Variants in ADGRL1 observed in about 807,000 individuals in gnomAD.
The protein encoded by ADGRL1 is CIRL-1.
ADGRL1 carries 31 observed loss-of-function variants against 148.9 expected under a neutral mutation model. The ratio of observed to expected loss-of-function variants is 0.21; its 90% CI spans 0.16 to 0.28. The LOEUF (loss-of-function observed/expected upper bound fraction) is 0.28, where lower values mean the gene tolerates loss of function less well. ADGRL1 is among the 10% of genes least tolerant of loss of function. The pLI is 1.00. For missense variants in ADGRL1, 1,521 were observed against 2,058.8 expected (o/e 0.74, Z 5.05); for synonymous variants, 937 against 900.3 (o/e 1.04, Z -0.73).
chr19:14,204,713 T>TGAGAGAGAGAGA lies in ADGRL1; in HGVS notation c.-96+1260_-96+1271dup, dbSNP rs74181774. 5.8e-3 allele frequency among the ~76,000 whole-genome samples: 823 copies of TGAGAGAGAGAGA among 142,960 alleles called. 14 individuals are homozygous for TGAGAGAGAGAGA. The highest frequency in any genetic ancestry group is 0.02 in the African/African-American group (760 of 38,322). The allele number at this position is 142,960 out of a possible 152,430, so 93.8% of individuals were successfully genotyped here. ...GAGAGATAGAGAAAGACAGAGAGAG[T>TGAGAGAGAGAGA]GAGAGAGAGAGAGAGAGAGAGAGAG... On this transcript the variant is annotated intron_variant, in intron 1 of 22. Transcript: ENST00000361434.
At chr19:14,179,296 C>A (rs1053202995) in intron 2 of ADGRL1, among the ~76,000 whole-genome samples, 3 of 151,860 alleles carry the variant, frequency 2.0e-5, no homozygotes, top group South Asian at 2.1e-4. Flanking sequence ...TGATTGAGAC[C>A]ATCCTGGCTA....
In ADGRL1 at chr19:14,157,223, C is replaced by G; in HGVS notation, c.2745+28G>C. 1 of 1,613,696 alleles carries G rather than the reference C, an allele frequency of 6.2e-7. No individual in the cohort carries two copies. The highest frequency in any genetic ancestry group is 8.5e-7 in the Non-Finnish European group (1 of 1,179,760). On this transcript the variant is annotated intron_variant, in intron 14 of 22. Coordinates refer to ENST00000361434, the MANE Select transcript of ADGRL1 (RefSeq NM_014921.5). The surrounding 1 kb of genome is among the most constrained non-coding windows in gnomAD (Gnocchi z 7.5). Reference sequence around the variant, plus strand: ...CTTCTCCCGGCCCCCAGGCGCTGGCCGTCACCTGCCCTAGAGTCCCAGCCC... The same window carrying G: ...CTTCTCCCGGCCCCCAGGCGCTGGCGGTCACCTGCCCTAGAGTCCCAGCCC...
Position 14,161,485 on chromosome 19 carries a change from C to T in ADGRL1, c.1337G>A (p.Gly446Glu), listed in dbSNP as rs371496939. 2.1e-6 allele frequency: 3 copies of T among 1,442,116 alleles called. No individual in the cohort carries two copies. Among genetic ancestry groups the T allele is most frequent in the Non-Finnish European group, 2.7e-6 (3 of 1,095,966 alleles). The allele number at this position is 1,442,116 out of a possible 1,614,324, so 89.3% of individuals were successfully genotyped here. ...THPVGAINQL[G>E]PDLPPATAPV... ...GGCTGTGGCTGGAGGCAGATCAGGTCCCAGCTGGTTGATGGCACCCACTGG... is the reference window on the plus strand; with the variant it reads ...GGCTGTGGCTGGAGGCAGATCAGGTTCCAGCTGGTTGATGGCACCCACTGG... Residue 446 changes from glycine to glutamate, a missense_variant, in exon 6 of 23, where the codon GGA (glycine) becomes GAA (glutamate). Around this residue, in one of 8 missense-constraint regions of ADGRL1, gnomAD observed 270 missense variants for 320.4 expected, o/e 0.84. Transcript: ENST00000361434. This position sits in a 1 kb window ranked among gnomAD's most constrained non-coding sequence, Gnocchi z 4.4.
intron 3 of ADGRL1, among the ~76,000 whole-genome samples, chr19:14,171,680 C>T (rs1970482660): frequency 1.3e-5 from 2 of 152,320 alleles, no homozygotes; most frequent in South Asian, 4.1e-4. Flanking sequence ...ACCCTTTGGG[C>T]AGTGCTGCTG....
chr19:14,205,631 C>A (rs1439076589), intron 1 of ADGRL1, among the ~76,000 whole-genome samples: 2 of 151,568 alleles, frequency 1.3e-5, no homozygotes, highest in African/African-American at 2.4e-5. Context: ...CACCGCCGCG[C>A]CGCTTCCCCA....
chr19:14,170,201 G>GA, intron 4 of ADGRL1: 1 of 155,648 alleles, frequency 6.4e-6, no homozygotes, highest in Admixed American at 6.4e-5. Flanking sequence ...ACGGTGTTGA[G>GA]AGGGGCAGTG....
At chr19:14,189,391 G>A (rs1243546787) in intron 1 of ADGRL1, among the ~76,000 whole-genome samples, 1 of 151,968 alleles carries the variant, frequency 6.6e-6, no homozygotes, top group East Asian at 1.9e-4. Context: ...ATGAACTCCT[G>A]GCTAACTTTT....
chr19:14,183,426 G>A (rs1971358271), intron 2 of ADGRL1, 107 bp downstream of exon 2: 2 of 1,046,086 alleles, frequency 1.9e-6, no homozygotes, highest in Non-Finnish European at 2.8e-6. Flanking sequence ...GCGGGGCAGG[G>A]GGCTGTAATT....
At position 14,149,976 on chromosome 19, in the gene ADGRL1, C is replaced by T. The variant is rs1233321755; in HGVS notation, c.*897G>A. ...CTTTTCCATTTCGTTGAAATATTTA[C>T]AGCAATGGGGAAGGAGGAGGAGAGA... On this transcript the variant is annotated 3_prime_UTR_variant, in exon 23 of 23. Coordinates refer to ENST00000361434, the MANE Select transcript of ADGRL1 (RefSeq NM_014921.5). 6 of 132,002 alleles carry T rather than the reference C, an allele frequency of 4.5e-5. No homozygotes were observed. Among genetic ancestry groups the T allele is most frequent in the South Asian group, 5.0e-4 (2 of 4,012 alleles). The allele number at this position is 132,002 out of a possible 1,614,324, so 8.2% of individuals were successfully genotyped here. A position where few individuals can be genotyped will look rare whatever the true frequency, so the allele number is the denominator to read the frequency against.
chr19:14,174,837 GT>G (rs34608406), intron 3 of ADGRL1, among the ~76,000 whole-genome samples: 2,607 of 110,554 alleles, frequency 0.024, 78 homozygotes, highest in African/African-American at 0.082. Flanking sequence ...CACCTGGTCT[GT>G]TTTTTTTTTT....
At position 14,175,015 on chromosome 19, in the gene ADGRL1, T is replaced by C. The variant is rs192696095; in HGVS notation, c.284+2516A>G. Among the ~76,000 whole-genome samples, 262 of 151,606 alleles carry C rather than the reference T, an allele frequency of 1.7e-3. 1 individual carries two copies. Among genetic ancestry groups the C allele is most frequent in the African/African-American group, 6.1e-3 (250 of 41,288 alleles). ...CACCATGACTGGCTAATTTATTTTT[T>C]AGTTTCTAGTAGAGACAGGGTCTTG... On this transcript the variant is annotated intron_variant, in intron 3 of 22. Transcript: ENST00000361434.
In ADGRL1 at chr19:14,157,657, T is replaced by C. The variant is rs1293766957; in HGVS notation, c.2536-197A>G. Among the ~76,000 whole-genome samples the C allele has an allele frequency of 2.0e-5, 3 of 152,224 alleles. No homozygotes were observed. Among genetic ancestry groups the C allele is most frequent in the Admixed American group, 6.5e-5 (1 of 15,290 alleles). ...ATGCTCTGGAAGGCTTGTGGAGAGA[T>C]GACCAACGTAACACCAACTTGCTTC... On this transcript the variant is annotated intron_variant, in intron 13 of 22. Coordinates refer to ENST00000361434, the MANE Select transcript of ADGRL1 (RefSeq NM_014921.5). This position sits in a 1 kb window ranked among gnomAD's most constrained non-coding sequence, Gnocchi z 7.5.
intron 3 of ADGRL1, among the ~76,000 whole-genome samples, chr19:14,173,943 CA>C (rs774211423): frequency 0.013 from 439 of 32,964 alleles, 1 homozygote; most frequent in African/African-American, 0.032. Context: ...GACTCCGTCT[CA>C]AAAAAAAAAA....
Position 14,161,719 on chromosome 19 carries a change from C to T in ADGRL1, c.1196-93G>A, listed in dbSNP as rs1969404965. 4.4e-6 allele frequency: 4 copies of T among 909,382 alleles called. No individual in the cohort carries two copies. The highest frequency in any genetic ancestry group is 3.8e-5 in the Admixed American group (1 of 26,322). 56.3% of individuals were successfully genotyped at this position (909,382 alleles called of 1,614,324 possible). A position where few individuals can be genotyped will look rare whatever the true frequency, so the allele number is the denominator to read the frequency against. On this transcript the variant is annotated intron_variant, in intron 5 of 22. Transcript: ENST00000361434. This position sits in a 1 kb window ranked among gnomAD's most constrained non-coding sequence, Gnocchi z 4.4. ...GGGTCCCAGGCCATCTTAGCATCTT[C>T]CTCATCTACTGAAGTGGAAACACGT... is the stretch of plus-strand genomic sequence containing the variant.
intron 1 of ADGRL1, among the ~76,000 whole-genome samples, chr19:14,204,049 G>A (rs765065207): frequency 1.2e-4 from 18 of 152,138 alleles, no homozygotes; most frequent in Non-Finnish European, 2.5e-4. Context: ...GCACGGGTGC[G>A]ATCGCTGCCA....
chr19:14,151,725 T>C, intron 22 of ADGRL1, 110 bp from the exon 23 acceptor site: 1 of 1,071,372 alleles, frequency 9.3e-7, no homozygotes, highest in Admixed American at 2.4e-5. Flanking sequence ...CTGCTGGTTT[T>C]CCGTAGGCTT....
At chr19:14,192,501 A>G (rs2145114292) in intron 1 of ADGRL1, among the ~76,000 whole-genome samples, 1 of 151,404 alleles carries the variant, frequency 6.6e-6, no homozygotes, top group Non-Finnish European at 1.5e-5. Context: ...TTGGTCTCCC[A>G]AAGTGTTGGG....
At chr19:14,167,713 G>T (rs943226324) in intron 4 of ADGRL1, among the ~76,000 whole-genome samples, 17 of 151,864 alleles carry the variant, frequency 1.1e-4, no homozygotes, top group Non-Finnish European at 2.1e-4. Context: ...CAGACGGGCA[G>T]TTGCACCCGG....
rs571476924 is a variant in ADGRL1, at chr19:14,163,540, A to C, written c.395-134T>G. On this transcript the variant is annotated intron_variant, in intron 4 of 22. Coordinates refer to ENST00000361434, the MANE Select transcript of ADGRL1 (RefSeq NM_014921.5). ...TTGGTCACGCTGCTGGTGGGGAGCC[A>C]GGTTGTCCCCTCCTGCTGCTGCAGT... 4,003 of 692,736 alleles carry C rather than the reference A, an allele frequency of 5.8e-3. 26 individuals carry two copies. Among genetic ancestry groups the C allele is most frequent in the Non-Finnish European group, 7.7e-3 (3,256 of 422,360 alleles). The allele number at this position is 692,736 out of a possible 1,614,324, so 42.9% of individuals were successfully genotyped here.
Sources: allele counts gnomAD v4.1 joint callset (sites outside exome capture counted in the v4.1 genomes callset), GRCh38; gene constraint gnomAD v4.1.1; regional missense constraint gnomAD v4.1.1; non-coding constraint Gnocchi (gnomAD v3.1); transcripts MANE v1.5; gene names NCBI Gene and HGNC (gene_info 2026-07-23, HGNC 2026-07-21).